PLB1: variants seen among roughly 807,000 people sequenced by gnomAD.
PLB1 encodes the protein phospholipase B1.
PLB1 carries 242 observed loss-of-function variants against 227.4 expected under a neutral mutation model. The ratio of observed to expected loss-of-function variants is 1.06; its 90% CI spans 0.96 to 1.18. The LOEUF (loss-of-function observed/expected upper bound fraction) is 1.18, where lower values mean the gene tolerates loss of function less well. PLB1 is among the 50% of genes most tolerant of loss of function. The pLI, the probability that PLB1 is intolerant of heterozygous loss-of-function variation, is 0.00. For synonymous variants in PLB1, 757 were observed against 682.2 expected (o/e 1.11, Z -1.71); for missense variants, 1,858 against 1,816.3 (o/e 1.02, Z -0.42).
chr2:28,548,894 G>C lies in PLB1; in HGVS notation c.971G>C (p.Ser324Thr). The change falls in exon 15 of 58, where the codon AGT becomes ACT. Residue 324 changes from serine (S) to threonine (T), a missense_variant. Coordinates refer to ENST00000327757, the MANE Select transcript of PLB1 (RefSeq NM_153021.5). Reference sequence around the variant, plus strand: ...GCAGGAGAGAAAGATGAGCCATTGAGTGTAAAACACGGGAGGCCAATGAAG... The same window carrying C: ...GCAGGAGAGAAAGATGAGCCATTGACTGTAAAACACGGGAGGCCAATGAAG... ...EPAGEKDEPL[S>T]VKHGRPMKCP... 1 of 1,614,176 alleles carries C rather than the reference G, an allele frequency of 6.2e-7. No homozygotes were observed. Among genetic ancestry groups the C allele is most frequent in the South Asian group, 1.1e-5 (1 of 91,080 alleles).
intron 1 of PLB1, among the ~76,000 whole-genome samples, chr2:28,510,866 A>C (rs1668172760): frequency 1.3e-5 from 2 of 151,202 alleles, no homozygotes; most frequent in African/African-American, 4.9e-5. Context: ...GGGCTGGAGT[A>C]ATCCTTCCAC....
At chr2:28,602,979 A>C in intron 39 of PLB1, 58 bp downstream of exon 39, 1 of 1,462,862 alleles carries the variant, frequency 6.8e-7, no homozygotes, top group Non-Finnish European at 9.6e-7. Flanking sequence ...GGTCTGGCCC[A>C]CATGCAGTGG....
At chr2:28,636,420 A>G (rs888062758) in intron 56 of PLB1, among the ~76,000 whole-genome samples, 1 of 152,182 alleles carries the variant, frequency 6.6e-6, no homozygotes, top group Non-Finnish European at 1.5e-5. Flanking sequence ...ATTCTTTGGT[A>G]TATTTAATAA....
intron 21 of PLB1, 35 bp downstream of exon 21, chr2:28,573,340 G>A (rs539213414): frequency 6.7e-7 from 1 of 1,495,514 alleles, no homozygotes; most frequent in East Asian, 2.3e-5. Context: ...GAACAGCACA[G>A]GTCCTCTGAG....
intron 1 of PLB1, among the ~76,000 whole-genome samples, chr2:28,514,833 TC>T (rs1361627388): frequency 1.3e-5 from 2 of 152,142 alleles, no homozygotes; most frequent in African/African-American, 4.8e-5. Flanking sequence ...GTCATCTTTT[TC>T]TATTTTTATT....
At chr2:28,629,033 C>T (rs1688221327) in intron 52 of PLB1, 61 bp from the exon 53 acceptor site, 1 of 1,413,546 alleles carries the variant, frequency 7.1e-7, no homozygotes, top group Admixed American at 1.9e-5. Context: ...TTGTAGATGA[C>T]CCCCAGGTTC....
intron 21 of PLB1, among the ~76,000 whole-genome samples, chr2:28,573,590 G>T (rs894682921): frequency 6.6e-6 from 1 of 152,202 alleles, no homozygotes; most frequent in Non-Finnish European, 1.5e-5. Context: ...TAGGTTATAA[G>T]CAGGCTCACT....
At chr2:28,576,204 C>T (rs143327716) in intron 21 of PLB1, among the ~76,000 whole-genome samples, 37 of 152,140 alleles carry the variant, frequency 2.4e-4, no homozygotes, top group African/African-American at 7.7e-4. Context: ...GTATTACAAT[C>T]GAAGAAACTA....
intron 54 of PLB1, 88 bp from the exon 55 acceptor site, chr2:28,631,948 C>T (rs1014397529): frequency 1.6e-5 from 18 of 1,103,434 alleles, no homozygotes; most frequent in South Asian, 2.5e-5. Flanking sequence ...AGTTGACTCC[C>T]GTCAACAACC....
chr2:28,548,918 A>G lies in PLB1; in HGVS notation c.995A>G (p.Lys332Arg). Residue 332 changes from lysine to arginine, a missense_variant, in exon 15 of 58, where the codon AAG becomes AGG. Physicochemically the swap from Lys to Arg is conservative, Grantham distance 26. Coordinates refer to ENST00000327757, the MANE Select transcript of PLB1 (RefSeq NM_153021.5). ...PLSVKHGRPM[K>R]CPSQESPYLF... ...AGTGTAAAACACGGGAGGCCAATGA[A>G]GTGTCCCTCTCAGGTAGGAGGGACT... The G allele has an allele frequency of 1.9e-6, 3 of 1,614,108 alleles. No individual in the cohort carries two copies. In the South Asian group the frequency reaches 3.3e-5, roughly 18 times the overall value.
intron 17 of PLB1, among the ~76,000 whole-genome samples, chr2:28,554,058 T>C (rs1674643875): frequency 2.0e-5 from 3 of 152,200 alleles, no homozygotes; most frequent in Admixed American, 2.0e-4. Flanking sequence ...TAACTGACTC[T>C]TGTTCTAAGT....
Position 28,529,728 on chromosome 2 carries a change from A to G in PLB1, c.417A>G (p.Glu139=). ...TCTCTGTTTCCCTCCCTCTGCACAG[A>G]GACTTGTGGATTCAGGCTCAAGAAC... ...GKRVIPHDGA[E]DLWIQAQELV... Residue 139 remains glutamate, a splice_region_variant and synonymous_variant, in exon 8 of 58, where the codon GAA becomes GAG. Transcript: ENST00000327757. 1 of 1,614,066 alleles carries G rather than the reference A, an allele frequency of 6.2e-7. No homozygotes were observed.
intron 13 of PLB1, 133 bp downstream of exon 13, chr2:28,541,944 C>T (rs1410665368): frequency 7.3e-6 from 5 of 687,542 alleles, no homozygotes; most frequent in Non-Finnish European, 1.2e-5. Flanking sequence ...ACCAACCCAG[C>T]CAACATGGTG....
intron 36 of PLB1, among the ~76,000 whole-genome samples, 157 bp from the exon 37 acceptor site, chr2:28,601,095 C>G (rs1288415539): frequency 6.6e-6 from 1 of 152,138 alleles, no homozygotes; most frequent in South Asian, 2.1e-4. Context: ...AGTCTGTGGT[C>G]TATAAATAAA....
intron 20 of PLB1, among the ~76,000 whole-genome samples, chr2:28,570,524 G>A (rs966635388): frequency 2.9e-5 from 1 of 34,050 alleles, no homozygotes; most frequent in African/African-American, 4.7e-5. Context: ...AGTGGCTCAC[G>A]CCTGTACTAC....
chr2:28,627,667 C>T (rs1434060565), intron 51 of PLB1, among the ~76,000 whole-genome samples: 1 of 152,146 alleles, frequency 6.6e-6, no homozygotes, highest in South Asian at 2.1e-4. Context: ...AGAAACTCAG[C>T]GAACAGCACT....
At chr2:28,548,648 A>C in intron 14 of PLB1, 1 of 631,422 alleles carries the variant, frequency 1.6e-6, no homozygotes, top group Admixed American at 2.3e-5. Flanking sequence ...TCGGGTGTGC[A>C]TCAGAATCGC....
intron 11 of PLB1, 106 bp downstream of exon 11, chr2:28,539,284 C>T (rs1672135119): frequency 4.7e-6 from 5 of 1,068,520 alleles, no homozygotes; most frequent in African/African-American, 1.6e-5. Context: ...CCCTAAAGAA[C>T]AGAGGCCAAA....
chr2:28,640,881 T>A, intron 56 of PLB1, 46 bp from the exon 57 acceptor site: 1 of 1,568,286 alleles, frequency 6.4e-7, no homozygotes, highest in Non-Finnish European at 8.7e-7. Flanking sequence ...GAGGAAAGTG[T>A]CTCCCAGCTT....
Sources: allele counts gnomAD v4.1 joint callset (sites outside exome capture counted in the v4.1 genomes callset), GRCh38; gene constraint gnomAD v4.1.1; transcripts MANE v1.5; gene names NCBI Gene and HGNC (gene_info 2026-07-23, HGNC 2026-07-21).